HLTF: variants seen among roughly 807,000 people sequenced by gnomAD.
HLTF encodes the protein DNA-dependent ATPase/E3 ubiquitin-protein ligase HLTF.
Under a neutral mutation model 129.4 loss-of-function variants are expected in HLTF, and 127 were observed. The ratio of observed to expected loss-of-function variants is 0.98; its 90% CI spans 0.85 to 1.14. The LOEUF (loss-of-function observed/expected upper bound fraction) is 1.14. Ranked by LOEUF, HLTF falls within the 50% of genes most tolerant of loss-of-function variation. HLTF has a pLI of 0.00. For missense variants in HLTF, 1,139 were observed against 1,187.1 expected (o/e 0.96, Z 0.60); for synonymous variants, 332 against 388.8 (o/e 0.85, Z 1.72).
chr3:149,049,342 CAT>C (rs1716802904), intron 15 of HLTF, among the ~76,000 whole-genome samples: 1 of 152,138 alleles, frequency 6.6e-6, no homozygotes, highest in African/African-American at 2.4e-5. Context: ...CGGATTAAAA[CAT>C]AGCAATGATA....
At chr3:149,061,664 C>T (rs894774427) in intron 10 of HLTF, among the ~76,000 whole-genome samples, 1 of 150,944 alleles carries the variant, frequency 6.6e-6, no homozygotes, top group Admixed American at 6.6e-5. Context: ...GGTGAAACCC[C>T]GTTTCTACTA....
chr3:149,034,076 T>G (rs1553735996), intron 24 of HLTF, among the ~76,000 whole-genome samples: 1 of 152,120 alleles, frequency 6.6e-6, no homozygotes, highest in Non-Finnish European at 1.5e-5. Flanking sequence ...AGAAAAAATG[T>G]TAATAAACAA....
At chr3:149,081,237 C>A (rs1719838403) in intron 2 of HLTF, among the ~76,000 whole-genome samples, 1 of 147,074 alleles carries the variant, frequency 6.8e-6, no homozygotes, top group Admixed American at 6.8e-5. Flanking sequence ...AAAAAATAAA[C>A]TTAACCATAT....
intron 5 of HLTF, 72 bp downstream of exon 5, chr3:149,073,153 C>A: frequency 1.1e-6 from 1 of 935,744 alleles, no homozygotes; most frequent in Admixed American, 2.3e-5. Flanking sequence ...ACATATTCAT[C>A]CTGTTCTTTT....
intron 1 of HLTF, 35 bp downstream of exon 1, chr3:149,086,282 T>C: frequency 6.3e-7 from 1 of 1,597,282 alleles, no homozygotes. Context: ...TCCAGGCCGT[T>C]AGACCGAGCG....
At position 149,086,301 on chromosome 3, in the gene HLTF, C is replaced by A. The variant is rs1250767148; in HGVS notation, c.20+16G>T. On this transcript the variant is annotated intron_variant, in intron 1 of 24. Coordinates refer to ENST00000310053, the MANE Select transcript of HLTF (RefSeq NM_003071.4). ...GGCCGTTAGACCGAGCGCCCCACCCCCTCCGCCCCCTTCACCTCTTGAACA... is the reference window on the plus strand; with the variant it reads ...GGCCGTTAGACCGAGCGCCCCACCCACTCCGCCCCCTTCACCTCTTGAACA... The A allele has an allele frequency of 6.2e-7, 1 of 1,602,350 alleles. No homozygotes were observed. The highest frequency in any genetic ancestry group is 8.5e-7 in the Non-Finnish European group (1 of 1,174,256).
chr3:149,054,474 A>T (rs917697912), intron 14 of HLTF, among the ~76,000 whole-genome samples: 1 of 152,230 alleles, frequency 6.6e-6, no homozygotes, highest in Non-Finnish European at 1.5e-5. Flanking sequence ...CTCCTCTGAC[A>T]TAAGAAGAAT....
At chr3:149,084,660 A>C in intron 2 of HLTF, 22 bp downstream of exon 2, 1 of 1,494,148 alleles carries the variant, frequency 6.7e-7, no homozygotes, top group Non-Finnish European at 9.2e-7. Flanking sequence ...ATCAAAATTT[A>C]ATTATCTACT....
chr3:149,060,892 C>T (rs975342478), intron 10 of HLTF, 34 bp from the exon 11 acceptor site: 2 of 1,439,508 alleles, frequency 1.4e-6, no homozygotes, highest in African/African-American at 2.8e-5. Flanking sequence ...AATTTTTGGA[C>T]CAACCCAAAG....
intron 20 of HLTF, 151 bp downstream of exon 20, chr3:149,041,339 A>C (rs1368673386): frequency 4.5e-6 from 2 of 442,108 alleles, no homozygotes; most frequent in Non-Finnish European, 7.8e-6. Flanking sequence ...CATTAGAAGA[A>C]ATATATCACC....
chr3:149,042,333 T>A, intron 18 of HLTF, 43 bp from the exon 19 acceptor site: 1 of 1,520,394 alleles, frequency 6.6e-7, no homozygotes, highest in South Asian at 1.2e-5. Flanking sequence ...CGCTAAACAA[T>A]AATAACTTCC....
chr3:149,063,105 G>A (rs1013397569), intron 10 of HLTF: 4 of 461,338 alleles, frequency 8.7e-6, no homozygotes, highest in Non-Finnish European at 1.7e-5. Context: ...TGTCACCCAG[G>A]CTGCAGTGCA....
intron 2 of HLTF, among the ~76,000 whole-genome samples, chr3:149,080,374 A>G (rs73164930): frequency 1.7e-4 from 26 of 149,294 alleles, no homozygotes; most frequent in Non-Finnish European, 3.4e-4. Context: ...AAATTCCTTG[A>G]AAATATACAA....
intron 13 of HLTF, among the ~76,000 whole-genome samples, chr3:149,056,377 G>GGAT (rs1717430352): frequency 2.0e-5 from 3 of 152,254 alleles, no homozygotes; most frequent in South Asian, 4.1e-4. Flanking sequence ...TTCTAGAGAT[G>GGAT]GTATCCCTTA....
chr3:149,086,385 T>C lies in HLTF; in HGVS notation c.-49A>G. ...GAGCGCCTCGGCTCCCCTGGATCGT[T>C]TTCGAGCCGCCTCGATACGCCTCCT... On this transcript the variant is annotated 5_prime_UTR_variant, in exon 1 of 25. Transcript: ENST00000310053. 1 of 1,560,300 alleles carries C rather than the reference T, an allele frequency of 6.4e-7. No homozygotes were observed. The highest frequency in any genetic ancestry group is 8.7e-7 in the Non-Finnish European group (1 of 1,151,558).
chr3:149,060,642 C>CA lies in HLTF; in HGVS notation c.1285_1285+1insT (p.Ala429ValfsTer5). ...ATTATGGGTATATAGTATACACATA[C>CA]CTTTCGCCCTGCCTTTAGTTTCAGA... On this transcript the variant is annotated frameshift_variant and splice_region_variant. Coordinates refer to ENST00000310053, the MANE Select transcript of HLTF (RefSeq NM_003071.4). LOFTEE classifies it high-confidence loss of function. The CA allele has an allele frequency of 6.2e-7, 1 of 1,608,176 alleles. No homozygotes were observed.
chr3:149,077,274 A>AT (rs1719455046), intron 2 of HLTF, among the ~76,000 whole-genome samples: 3 of 150,404 alleles, frequency 2.0e-5, no homozygotes, highest in African/African-American at 4.9e-5. Context: ...AAATAAATAA[A>AT]TAAATAAATA....
At chr3:149,043,329 CA>C (rs555639828) in intron 18 of HLTF, among the ~76,000 whole-genome samples, 2 of 150,670 alleles carry the variant, frequency 1.3e-5, no homozygotes, top group Non-Finnish European at 3.0e-5. Context: ...CAAAATTAAA[CA>C]AAAAAATGTA....
chr3:149,074,239 A>C lies in HLTF; in HGVS notation c.505T>G (p.Phe169Val), dbSNP rs774189031. ...CTTTTTGGTGCAGGACCCAATTTAA[A>C]TCCATGTTTCTTCAACTGATCTGAA... ...AVSDQLKKHGFKLGPAPKTLG... is the reference protein window; with the variant it reads ...AVSDQLKKHGVKLGPAPKTLG... The change falls in exon 4 of 25, where the codon TTT (phenylalanine) becomes GTT (valine). Residue 169 changes from phenylalanine to valine, a missense_variant. Physicochemically the swap from Phe to Val is conservative, Grantham distance 50 (BLOSUM62 -1). Transcript: ENST00000310053. 1.2e-6 allele frequency: 2 copies of C among 1,613,384 alleles called. No individual in the cohort carries two copies. The highest frequency in any genetic ancestry group is 4.5e-5 in the East Asian group (2 of 44,778).
Sources: allele counts gnomAD v4.1 joint callset (sites outside exome capture counted in the v4.1 genomes callset), GRCh38; gene constraint gnomAD v4.1.1; transcripts MANE v1.5; gene names NCBI Gene and HGNC (gene_info 2026-07-23, HGNC 2026-07-21).